SHISA9: variants seen among roughly 807,000 people sequenced by gnomAD.
The protein encoded by SHISA9 is shisa family member 9.
Under a neutral mutation model 38.0 loss-of-function variants are expected in SHISA9, and 13 were observed. That is an observed-to-expected ratio of 0.34 (90% CI 0.22 to 0.54). The LOEUF is 0.54. Ranked by LOEUF, SHISA9 falls within the 20% of genes least tolerant of loss-of-function variation. The probability of loss-of-function intolerance (pLI) is 0.91; values close to 1 mark genes in which losing one functional copy is unlikely to be tolerated. For synonymous variants in SHISA9, 275 were observed against 242.0 expected, an observed-to-expected ratio of 1.14 and a Z score of -1.27; for missense variants, 538 against 575.8, an observed-to-expected ratio of 0.93 and a Z score of 0.67.
At chr16:13,474,946 T>A in the SHISA9 span, among the ~76,000 whole-genome samples, 1 of 151,836 alleles carries the variant, frequency 6.6e-6, no homozygotes, top group South Asian at 2.1e-4. Context: ...GGGACAGTCA[T>A]AAACGACTGG....
intron 2 of SHISA9, among the ~76,000 whole-genome samples, chr16:13,144,042 GTCTTTT>G (rs1228014540): frequency 6.6e-6 from 1 of 151,990 alleles, no homozygotes; most frequent in Non-Finnish European, 1.5e-5. Flanking sequence ...CATGGTCAAT[GTCTTTT>G]TCTTTTACTT....
At chr16:13,332,760 G>A in the SHISA9 span, among the ~76,000 whole-genome samples, 7 of 152,144 alleles carry the variant, frequency 4.6e-5, no homozygotes, top group Non-Finnish European at 1.0e-4. Context: ...GGAGCCTCAC[G>A]TGAGAGGATT....
At chr16:13,519,441 G>T in the SHISA9 span, among the ~76,000 whole-genome samples, 1 of 152,186 alleles carries the variant, frequency 6.6e-6, no homozygotes, top group Non-Finnish European at 1.5e-5. Flanking sequence ...GCTTCAAGAA[G>T]TATTTCCAAA....
chr16:13,469,351 AAAG>A, the SHISA9 span, among the ~76,000 whole-genome samples: 387 of 123,056 alleles, frequency 3.1e-3, no homozygotes, highest in East Asian at 8.6e-3. Context: ...AGAAAGAAAG[AAAG>A]AAAGAAAAGA....
the SHISA9 span, among the ~76,000 whole-genome samples, chr16:13,343,723 T>C: frequency 5.9e-5 from 9 of 152,260 alleles, no homozygotes; most frequent in African/African-American, 2.2e-4. Context: ...CTCTGGTGCT[T>C]GTATGTTTAA....
the SHISA9 span, among the ~76,000 whole-genome samples, chr16:13,288,047 G>T: frequency 1.3e-5 from 2 of 152,212 alleles, no homozygotes; most frequent in South Asian, 2.1e-4. Flanking sequence ...CATAGCAGCA[G>T]GTTATGTTCT....
At position 12,975,949 on chromosome 16, in the gene SHISA9, C is replaced by T. The variant is rs192507379; in HGVS notation, c.691+59134C>T. Among the ~76,000 whole-genome samples the T allele has an allele frequency of 1.1e-4, 16 of 151,872 alleles. 1 individual carries two copies. The highest frequency in any genetic ancestry group is 9.2e-4 in the Admixed American group (14 of 15,258). Reference sequence around the variant, plus strand: ...GTTAAATTTTAATTCATCAGCAAATCTGATGACCCGGGGCATCCTGACTAA... The same window carrying T: ...GTTAAATTTTAATTCATCAGCAAATTTGATGACCCGGGGCATCCTGACTAA... On this transcript the variant is annotated intron_variant, in intron 2 of 4. Transcript: ENST00000558583.
the SHISA9 span, among the ~76,000 whole-genome samples, chr16:13,259,973 C>G: frequency 7.0e-6 from 1 of 143,880 alleles, no homozygotes; most frequent in Non-Finnish European, 1.5e-5. Flanking sequence ...GCTTGCATTT[C>G]TCCCCAGAAA....
chr16:13,507,067 A>G, the SHISA9 span, among the ~76,000 whole-genome samples: 2 of 150,552 alleles, frequency 1.3e-5, no homozygotes, highest in East Asian at 1.9e-4. Context: ...AACAACCACC[A>G]TGTATATATA....
At chr16:12,907,844 C>T (rs573323455) in intron 1 of SHISA9, among the ~76,000 whole-genome samples, 1 of 152,152 alleles carries the variant, frequency 6.6e-6, no homozygotes. Context: ...TATTGGTTGC[C>T]ACTAAGTGAT....
the SHISA9 span, among the ~76,000 whole-genome samples, chr16:13,382,296 G>A: frequency 6.6e-6 from 1 of 152,126 alleles, no homozygotes; most frequent in Non-Finnish European, 1.5e-5. Context: ...GGGAGGCTGA[G>A]GAGGGTGGAT....
intron 2 of SHISA9, among the ~76,000 whole-genome samples, chr16:13,163,636 A>G (rs2050613401): frequency 1.3e-5 from 2 of 152,114 alleles, no homozygotes; most frequent in South Asian, 4.1e-4. Context: ...ACATATTTCT[A>G]CATTTATTTA....
intron 2 of SHISA9, among the ~76,000 whole-genome samples, chr16:12,939,106 T>C (rs1596539715): frequency 1.3e-5 from 2 of 152,122 alleles, no homozygotes; most frequent in Middle Eastern, 3.4e-3. Flanking sequence ...TTCCTTCTGA[T>C]GGAGTCTCCC....
At chr16:13,100,554 T>C (rs16961126) in intron 2 of SHISA9, among the ~76,000 whole-genome samples, 40,466 of 152,036 alleles carry the variant, frequency 0.27, 5,735 homozygotes, top group South Asian at 0.37. Flanking sequence ...AGCTCATTCA[T>C]ATTCTGGGGC....
chr16:13,454,066 T>C, the SHISA9 span, among the ~76,000 whole-genome samples: 1 of 152,164 alleles, frequency 6.6e-6, no homozygotes, highest in Non-Finnish European at 1.5e-5. Flanking sequence ...GGCAGACATA[T>C]CTACTTGATC....
At chr16:13,161,876 T>C (rs1373758434) in intron 2 of SHISA9, among the ~76,000 whole-genome samples, 1 of 152,240 alleles carries the variant, frequency 6.6e-6, no homozygotes, top group African/African-American at 2.4e-5. Flanking sequence ...ACAACCTCTC[T>C]TTCTAGTTTG....
the SHISA9 span, among the ~76,000 whole-genome samples, chr16:13,417,390 A>C: frequency 4.6e-5 from 7 of 152,160 alleles, no homozygotes; most frequent in Non-Finnish European, 8.8e-5. Flanking sequence ...GAAAAAAAAA[A>C]ATAAGCAGAG....
intron 2 of SHISA9, among the ~76,000 whole-genome samples, chr16:13,147,070 T>G (rs1339774249): frequency 6.6e-6 from 1 of 152,218 alleles, no homozygotes; most frequent in Non-Finnish European, 1.5e-5. Flanking sequence ...TTATTCTTTC[T>G]GCAAATAAGA....
intron 2 of SHISA9, among the ~76,000 whole-genome samples, chr16:12,922,587 T>G (rs1239046248): frequency 5.9e-5 from 9 of 152,272 alleles, no homozygotes; most frequent in Non-Finnish European, 1.0e-4. Flanking sequence ...GGGCACGATC[T>G]TGGCTCATTG....
Sources: gnomAD v4.1 joint callset for allele counts (sites outside exome capture counted in the v4.1 genomes callset) on GRCh38, gnomAD v4.1.1 for gene constraint, MANE v1.5 for transcripts, NCBI Gene and HGNC (gene_info 2026-07-23, HGNC 2026-07-21) for gene names.